The following OPHN1 variants were observed in gnomAD, a reference collection of about 807,000 sequenced individuals.
The protein encoded by OPHN1 is oligophrenin 1.
A neutral mutation model predicts 60.7 loss-of-function variants in OPHN1; 11 were observed. The ratio of observed to expected loss-of-function variants is 0.18; its 90% CI spans 0.11 to 0.30. OPHN1 has a LOEUF of 0.30. OPHN1 is among the 10% of genes least tolerant of loss of function. The pLI, the probability that OPHN1 is intolerant of heterozygous loss-of-function variation, is 1.00. For missense variants in OPHN1, 449 were observed against 611.0 expected, an observed-to-expected ratio of 0.73 and a Z score of 2.80; for synonymous variants, 226 against 222.6, an observed-to-expected ratio of 1.02 and a Z score of -0.14.
At chrX:68,072,392 C>G (rs1285446339) in intron 20 of OPHN1, among the ~76,000 whole-genome samples, 1 of 111,615 alleles carries the variant, frequency 9.0e-6, no homozygotes, top group Admixed American at 9.5e-5. Context: ...AGCTCTGGGA[C>G]CTTCTAACAT....
At chrX:68,418,864 A>G (rs1244173914) in intron 2 of OPHN1, among the ~76,000 whole-genome samples, 1 of 111,822 alleles carries the variant, frequency 8.9e-6, no homozygotes, top group Non-Finnish European at 1.9e-5. Flanking sequence ...CTAAGAAGGA[A>G]ATTATACTGT....
At chrX:68,073,864 C>T (rs2076944287) in intron 19 of OPHN1, among the ~76,000 whole-genome samples, 1 of 112,344 alleles carries the variant, frequency 8.9e-6, no homozygotes, top group Non-Finnish European at 1.9e-5. Context: ...ACTGTGTTTT[C>T]CCTCCTATGT....
At chrX:68,258,011 C>T (rs1319364754) in intron 5 of OPHN1, among the ~76,000 whole-genome samples, 1 of 109,462 alleles carries the variant, frequency 9.1e-6, no homozygotes, top group African/African-American at 3.3e-5. Context: ...GTAGAAAGGG[C>T]ACCGGGATAG....
chrX:68,068,730 A>C (rs1046156387), intron 20 of OPHN1, among the ~76,000 whole-genome samples: 2 of 112,063 alleles, frequency 1.8e-5, no homozygotes, highest in Non-Finnish European at 3.8e-5. Flanking sequence ...ACATCTATAC[A>C]AAGGAATATT....
chrX:68,347,648 G>T (rs4827577), intron 2 of OPHN1, among the ~76,000 whole-genome samples: 36,935 of 109,807 alleles, frequency 0.34, 8,081 homozygotes, highest in African/African-American at 0.81. Context: ...TATATTTCCT[G>T]ATTAAAAAAA....
At chrX:68,171,263 C>A (rs1208336064) in intron 15 of OPHN1, among the ~76,000 whole-genome samples, 1 of 108,274 alleles carries the variant, frequency 9.2e-6, no homozygotes, top group Non-Finnish European at 1.9e-5. Context: ...TATGTACACA[C>A]AAAAATTAAT....
At chrX:68,257,941 G>GGAAA (rs1265487073) in intron 5 of OPHN1, among the ~76,000 whole-genome samples, 1 of 110,457 alleles carries the variant, frequency 9.1e-6, no homozygotes, top group Non-Finnish European at 1.9e-5. Flanking sequence ...GCTCACAAAA[G>GGAAA]GAAACCTCAT....
chrX:68,317,709 GAAAGA>G (rs746793553), intron 2 of OPHN1, among the ~76,000 whole-genome samples: 1,407 of 107,107 alleles, frequency 0.013, 21 homozygotes, highest in African/African-American at 0.044. Context: ...GAAAGAGAAA[GAAAGA>G]AAAGAAAAGA....
In OPHN1 at chrX:68,303,857, G is replaced by A. The variant is rs1389612731; in HGVS notation, c.155-4761C>T. Among the ~76,000 whole-genome samples the A allele has an allele frequency of 3.6e-5, 4 of 110,700 alleles. No homozygotes were observed. In the Admixed American group the frequency reaches 3.9e-4, roughly 11 times the overall value. On this transcript the variant is annotated intron_variant, in intron 2 of 24. Transcript: ENST00000355520. Reference sequence around the variant, plus strand: ...TAAAAAAGTTGATCTCATAGAAGTAGAGAATAGAGTAGTGGTTACTAGAGG... The same window carrying A: ...TAAAAAAGTTGATCTCATAGAAGTAAAGAATAGAGTAGTGGTTACTAGAGG...
At chrX:68,305,916 A>G (rs1304412695) in intron 2 of OPHN1, among the ~76,000 whole-genome samples, 2 of 112,410 alleles carry the variant, frequency 1.8e-5, no homozygotes, top group Non-Finnish European at 3.8e-5. Flanking sequence ...AAGACACAGG[A>G]AACAATAGTC....
intron 2 of OPHN1, among the ~76,000 whole-genome samples, chrX:68,344,818 C>T (rs2078371494): frequency 8.9e-6 from 1 of 112,186 alleles, no homozygotes; most frequent in African/African-American, 3.2e-5. Context: ...AAATGCTATG[C>T]TTATAGGACT....
chrX:68,137,789 G>T (rs2077226883), intron 15 of OPHN1, among the ~76,000 whole-genome samples: 1 of 111,378 alleles, frequency 9.0e-6, no homozygotes, highest in Non-Finnish European at 1.9e-5. Flanking sequence ...AATTAGAAAG[G>T]ATATGAGTAC....
chrX:68,317,539 A>AAAAG (rs762679584), intron 2 of OPHN1, among the ~76,000 whole-genome samples: 6,691 of 58,806 alleles, frequency 0.11, 395 homozygotes, highest in Non-Finnish European at 0.13. Flanking sequence ...AAGAAAGAAA[A>AAAAG]AAAGAAAGAA....
Position 68,053,749 on chromosome X carries a change from G to C in OPHN1, c.2220C>G (p.Pro740=), listed in dbSNP as rs2076861554. Residue 740 remains proline (P), a synonymous_variant, in exon 22 of 25, where the codon CCC becomes CCG. Transcript: ENST00000355520. The stretch of plus-strand genomic sequence containing the variant: ...AGGGAGGATCTGGGGGCCTCACTGG[G>C]GGGCGGATGATGGTTGGCTTTTCTC... The part of the protein sequence containing the change: ...PPGEKPTIIR[P]PVRPPDPPCR... The C allele has an allele frequency of 8.3e-7, 1 of 1,211,006 alleles. No homozygotes were observed. Among genetic ancestry groups the C allele is most frequent in the African/African-American group, 1.7e-5 (1 of 57,621 alleles).
intron 6 of OPHN1, among the ~76,000 whole-genome samples, chrX:68,230,890 G>A (rs1262484797): frequency 9.0e-5 from 10 of 110,587 alleles, no homozygotes; most frequent in Non-Finnish European, 1.7e-4. Flanking sequence ...TTGTGCACAT[G>A]TACCTTATAA....
intron 3 of OPHN1, among the ~76,000 whole-genome samples, chrX:68,296,851 G>T (rs2078098354): frequency 9.1e-6 from 1 of 109,879 alleles, no homozygotes; most frequent in African/African-American, 3.3e-5. Context: ...AGCTCTGATG[G>T]AGCCCCACAG....
intron 19 of OPHN1, among the ~76,000 whole-genome samples, chrX:68,073,584 G>A (rs2076943275): frequency 8.9e-6 from 1 of 111,940 alleles, no homozygotes; most frequent in Admixed American, 9.5e-5. Context: ...CTTCCTGGGA[G>A]ACCTTAGGCA....
At chrX:68,387,983 G>C (rs901207380) in intron 2 of OPHN1, among the ~76,000 whole-genome samples, 29 of 109,452 alleles carry the variant, frequency 2.6e-4, no homozygotes, top group Admixed American at 4.0e-4. Context: ...CATGCAAAGG[G>C]AACAGCACAG....
chrX:68,362,581 G>A lies in OPHN1; in HGVS notation c.155-63485C>T, dbSNP rs144944294. Among the ~76,000 whole-genome samples, 485 of 111,128 alleles carry A rather than the reference G, an allele frequency of 4.4e-3. 2 individuals carry two copies. The highest frequency in any genetic ancestry group is 6.4e-3 in the Non-Finnish European group (341 of 53,113). On this transcript the variant is annotated intron_variant, in intron 2 of 24. Coordinates refer to ENST00000355520, the MANE Select transcript of OPHN1 (RefSeq NM_002547.3). Reference sequence around the variant, plus strand: ...AATTAGCTTGATTTAGCCGTTCTACGTGTATACATAGATGAAAGCATCATG... The same window carrying A: ...AATTAGCTTGATTTAGCCGTTCTACATGTATACATAGATGAAAGCATCATG...
Sources: gnomAD v4.1 joint callset for allele counts (sites outside exome capture counted in the v4.1 genomes callset) on GRCh38, gnomAD v4.1.1 for gene constraint, MANE v1.5 for transcripts, NCBI Gene and HGNC (gene_info 2026-07-23, HGNC 2026-07-21) for gene names.